HSD11B1L: variants seen among roughly 807,000 people sequenced by gnomAD.
The protein encoded by HSD11B1L is hydroxysteroid 11-beta-dehydrogenase 1-like protein.
In HSD11B1L, 22 loss-of-function variants were observed where a neutral mutation model predicts 27.0. The ratio of observed to expected loss-of-function variants is 0.81; its 90% CI spans 0.58 to 1.16. The LOEUF (loss-of-function observed/expected upper bound fraction) is 1.16. Among genes scored for constraint, HSD11B1L ranks in the 50% most tolerant of loss-of-function variants. HSD11B1L has a pLI of 0.00. For missense variants in HSD11B1L, 372 were observed against 401.8 expected, an observed-to-expected ratio of 0.93 and a Z score of 0.63; for synonymous variants, 187 against 189.2, an observed-to-expected ratio of 0.99 and a Z score of 0.09.
chr19:5,688,211 C>A lies in HSD11B1L; in HGVS notation c.*266C>A. The stretch of plus-strand genomic sequence containing the variant: ...CCATGATTGATGACGTGACTGCTTC[C>A]ATTTTGCAGATGAGGAAACTAAGGC... On this transcript the variant is annotated 3_prime_UTR_variant, in exon 8 of 8. Coordinates refer to ENST00000339423, the MANE Select transcript of HSD11B1L (RefSeq NM_198706.3). 6.5e-7 allele frequency: 1 copy of A among 1,540,566 alleles called. No individual in the cohort carries two copies. The highest frequency in any genetic ancestry group is 8.8e-7 in the Non-Finnish European group (1 of 1,142,592).
chr19:5,687,930 G>C lies in HSD11B1L; in HGVS notation c.846G>C (p.Thr282=), dbSNP rs755013240. ...TTATCCGCCAGGAGCTCAACGTCAC[G>C]GCCGCGGCAGCCTGAGCACCGGGGG... ...AWFIRQELNV[T]AAAA The change falls in exon 8 of 8, where the codon ACG becomes ACC. Residue 282 remains threonine, a synonymous_variant. Coordinates refer to ENST00000339423, the MANE Select transcript of HSD11B1L (RefSeq NM_198706.3). This position sits in a 1 kb window ranked among gnomAD's most constrained non-coding sequence, Gnocchi z 6.6. The C allele has an allele frequency of 1.2e-5, 18 of 1,563,504 alleles. No individual in the cohort carries two copies. Among genetic ancestry groups the C allele is most frequent in the Non-Finnish European group, 1.6e-5 (18 of 1,153,476 alleles).
chr19:5,684,045 G>T (rs1208177186), intron 1 of HSD11B1L: 2 of 483,724 alleles, frequency 4.1e-6, no homozygotes, highest in African/African-American at 4.0e-5. Flanking sequence ...GGCAAATCTC[G>T]GCACACTACA....
Position 5,686,444 on chromosome 19 carries a change from C to T in HSD11B1L, c.233C>T (p.Ala78Val). 4 of 1,582,582 alleles carry T rather than the reference C, an allele frequency of 2.5e-6. No homozygotes were observed. The highest frequency in any genetic ancestry group is 3.4e-6 in the Non-Finnish European group (4 of 1,166,166). The change falls in exon 4 of 8, where the codon GCC (alanine) becomes GTC (valine). Residue 78 changes from alanine to valine, a missense_variant. By Grantham distance (64) the Ala-to-Val change is moderately conservative. Transcript: ENST00000339423. Reference protein sequence around the residue: ...KVVGNCRKLGAPKVFYIAADM... With the variant: ...KVVGNCRKLGVPKVFYIAADM... ...GTAGGGAACTGCCGGAAGCTGGGCG[C>T]CCCCAAGGTCTTCTACATCGCGGCG...
chr19:5,682,196 C>A (rs1250476537), intron 1 of HSD11B1L, among the ~76,000 whole-genome samples: 1 of 152,134 alleles, frequency 6.6e-6, no homozygotes, highest in African/African-American at 2.4e-5. Flanking sequence ...AGTGGGGACC[C>A]CTGAGAGGGT....
At position 5,685,441 on chromosome 19, in the gene HSD11B1L, G is replaced by A. The variant is rs1304003826; in HGVS notation, c.204+322G>A. The A allele has an allele frequency of 2.3e-5, 10 of 426,640 alleles. No individual in the cohort carries two copies. The highest frequency in any genetic ancestry group is 1.9e-4 in the South Asian group (10 of 52,508). 26.4% of individuals were successfully genotyped at this position (426,640 alleles called of 1,614,324 possible). A position where few individuals can be genotyped will look rare whatever the true frequency, so the allele number is the denominator to read the frequency against. On this transcript the variant is annotated intron_variant, in intron 3 of 7. Coordinates refer to ENST00000339423, the MANE Select transcript of HSD11B1L (RefSeq NM_198706.3). This position sits in a 1 kb window ranked among gnomAD's most constrained non-coding sequence, Gnocchi z 4.3. The stretch of plus-strand genomic sequence containing the variant: ...GAAGACAAAAATTAGGCCAGGCATG[G>A]TGGCTCATGCCTGTAATCCTAGCAC...
intron 1 of HSD11B1L, chr19:5,683,963 C>T (rs2054621081): frequency 2.5e-6 from 1 of 407,668 alleles, no homozygotes; most frequent in Non-Finnish European, 4.3e-6. Context: ...AAGGAGGTCA[C>T]TGTTCTTTTT....
rs1279082814 is a variant in HSD11B1L at position 5,688,026 on chromosome 19, C to T, written c.*81C>T. On this transcript the variant is annotated 3_prime_UTR_variant, in exon 8 of 8. Coordinates refer to ENST00000339423, the MANE Select transcript of HSD11B1L (RefSeq NM_198706.3). Reference sequence around the variant, plus strand: ...CCTGGAGCCAGAACACTCACAGAGACACCCCTGAGAGGGTGGCCACAGCCC... The same window carrying T: ...CCTGGAGCCAGAACACTCACAGAGATACCCCTGAGAGGGTGGCCACAGCCC... The T allele has an allele frequency of 6.4e-7, 1 of 1,551,564 alleles. No homozygotes were observed. Among genetic ancestry groups the T allele is most frequent in the African/African-American group, 1.4e-5 (1 of 73,188 alleles).
In HSD11B1L at chr19:5,688,224, AG is replaced by A; in HGVS notation, c.*281del. The A allele has an allele frequency of 6.5e-7, 1 of 1,531,430 alleles. No homozygotes were observed. Among genetic ancestry groups the A allele is most frequent in the South Asian group, 1.2e-5 (1 of 82,412 alleles). The allele number at this position is 1,531,430 out of a possible 1,614,324, so 94.9% of individuals were successfully genotyped here. Reference sequence around the variant, plus strand: ...CGTGACTGCTTCCATTTTGCAGATGAGGAAACTAAGGCTCAGAGAGGCCACG... The same window carrying A: ...CGTGACTGCTTCCATTTTGCAGATGAGAAACTAAGGCTCAGAGAGGCCACG... On this transcript the variant is annotated 3_prime_UTR_variant, in exon 8 of 8. Transcript: ENST00000339423.
At chr19:5,681,875 C>T (rs1465159115) in intron 1 of HSD11B1L, among the ~76,000 whole-genome samples, 1 of 152,252 alleles carries the variant, frequency 6.6e-6, no homozygotes, top group Admixed American at 6.5e-5. Flanking sequence ...ATCCATCCAC[C>T]CATCCGTCCA....
Position 5,685,438 on chromosome 19 carries a change from A to C in HSD11B1L, c.204+319A>C. 1 of 426,088 alleles carries C rather than the reference A, an allele frequency of 2.3e-6. No homozygotes were observed. The highest frequency in any genetic ancestry group is 2.9e-5 in the Admixed American group (1 of 34,686). The allele number at this position is 426,088 out of a possible 1,614,324, so 26.4% of individuals were successfully genotyped here. A position where few individuals can be genotyped will look rare whatever the true frequency, so the allele number is the denominator to read the frequency against. ...TAAGAAGACAAAAATTAGGCCAGGC[A>C]TGGTGGCTCATGCCTGTAATCCTAG... On this transcript the variant is annotated intron_variant, in intron 3 of 7. Coordinates refer to ENST00000339423, the MANE Select transcript of HSD11B1L (RefSeq NM_198706.3). This position sits in a 1 kb window ranked among gnomAD's most constrained non-coding sequence, Gnocchi z 4.3.
Position 5,688,340 on chromosome 19 carries a change from G to C in HSD11B1L, c.*395G>C. ...TTCTTTCCATTCATTCCATCTGGGA[G>C]GAACCCCCCCAACTCCTGCCAGCTT... On this transcript the variant is annotated 3_prime_UTR_variant, in exon 8 of 8. Coordinates refer to ENST00000339423, the MANE Select transcript of HSD11B1L (RefSeq NM_198706.3). The C allele has an allele frequency of 2.7e-6, 2 of 750,376 alleles. No individual in the cohort carries two copies. Among genetic ancestry groups the C allele is most frequent in the South Asian group, 3.8e-5 (2 of 53,262 alleles). The allele number at this position is 750,376 out of a possible 1,614,324, so 46.5% of individuals were successfully genotyped here.
In HSD11B1L at chr19:5,686,492, C is replaced by CCGAGAG; in HGVS notation, c.284_289dup (p.Glu95_Ser96dup). ...GCGGACATGGCCTCCCCTGAGGCGC[C>CCGAGAG]CGAGAGCGTGGTGCAGTTTGCGCTG... On this transcript the variant is annotated inframe_insertion, in exon 4 of 8. Coordinates refer to ENST00000339423, the MANE Select transcript of HSD11B1L (RefSeq NM_198706.3). 1.3e-6 allele frequency: 2 copies of CCGAGAG among 1,585,094 alleles called. No homozygotes were observed. The highest frequency in any genetic ancestry group is 1.7e-6 in the Non-Finnish European group (2 of 1,167,436).
rs1443128640 is a variant in HSD11B1L, at chr19:5,684,815, G to A, written c.-14-4G>A. On this transcript the variant is annotated splice_polypyrimidine_tract_variant and splice_region_variant and intron_variant, in intron 1 of 7. Coordinates refer to ENST00000339423, the MANE Select transcript of HSD11B1L (RefSeq NM_198706.3). ...GGCCACCTCTGTCCCCTGTCCCTCT[G>A]CAGGCCCACACAGGACCATGAAGGT... 1.9e-6 allele frequency: 3 copies of A among 1,613,618 alleles called. No homozygotes were observed. In the East Asian group the frequency reaches 6.7e-5, roughly 36 times the overall value.
In HSD11B1L at chr19:5,687,430, G is replaced by T; in HGVS notation, c.502+55G>T. On this transcript the variant is annotated intron_variant, in intron 6 of 7. Coordinates refer to ENST00000339423, the MANE Select transcript of HSD11B1L (RefSeq NM_198706.3). This position sits in a 1 kb window ranked among gnomAD's most constrained non-coding sequence, Gnocchi z 6.6. Reference sequence around the variant, plus strand: ...ACGGGGAGTGGGGAGCTCGATGCGGGTGAGCCTGGAGGGTCTGGGCAGGCT... The same window carrying T: ...ACGGGGAGTGGGGAGCTCGATGCGGTTGAGCCTGGAGGGTCTGGGCAGGCT... 1 of 1,601,352 alleles carries T rather than the reference G, an allele frequency of 6.2e-7. No individual in the cohort carries two copies. Among genetic ancestry groups the T allele is most frequent in the Middle Eastern group, 1.7e-4 (1 of 5,894 alleles).
intron 1 of HSD11B1L, among the ~76,000 whole-genome samples, chr19:5,682,926 C>A (rs2054595838): frequency 6.7e-6 from 1 of 148,778 alleles, no homozygotes; most frequent in African/African-American, 2.5e-5. Context: ...TCAAGCAATT[C>A]TCCTGCCTCA....
chr19:5,686,438 TG>T lies in HSD11B1L; in HGVS notation c.230del (p.Gly77AlafsTer37). 1 of 1,580,364 alleles carries T rather than the reference TG, an allele frequency of 6.3e-7. No homozygotes were observed. Among genetic ancestry groups the T allele is most frequent in the Non-Finnish European group, 8.6e-7 (1 of 1,164,940 alleles). On this transcript the variant is annotated frameshift_variant, in exon 4 of 8. Coordinates refer to ENST00000339423, the MANE Select transcript of HSD11B1L (RefSeq NM_198706.3). LOFTEE classifies it high-confidence loss of function. ...CAGGTGGTAGGGAACTGCCGGAAGC[TG>T]GGCGCCCCCAAGGTCTTCTACATCG... ...LQKVVGNCRK[L>X]GAPKVFYIAA...
chr19:5,684,699 G>A, intron 1 of HSD11B1L, 120 bp from the exon 2 acceptor site: 1 of 1,511,430 alleles, frequency 6.6e-7, no homozygotes, highest in Admixed American at 2.0e-5. Flanking sequence ...ACAGGTGGTG[G>A]CTGTGGAGGT....
Position 5,685,928 on chromosome 19 carries a change from C to T in HSD11B1L, c.205-488C>T, listed in dbSNP as rs2054678390. 1.3e-5 allele frequency among the ~76,000 whole-genome samples: 2 copies of T among 152,060 alleles called. No individual in the cohort carries two copies. On this transcript the variant is annotated intron_variant, in intron 3 of 7. Transcript: ENST00000339423. This position sits in a 1 kb window ranked among gnomAD's most constrained non-coding sequence, Gnocchi z 4.3. ...CAAACAAACAAACAAAAAAACCCAC[C>T]TTCTCATGGGTTAGGATGTTGTGCC...
chr19:5,687,822 G>T lies in HSD11B1L; in HGVS notation c.738G>T (p.Thr246=). ...AALAVIRGGA[T]RAAGVFYPWR... is the part of the protein sequence containing the mutation. Reference sequence around the variant, plus strand: ...TGGCCGTGATCCGCGGCGGCGCCACGCGCGCGGCCGGCGTCTTCTACCCGT... The same window carrying T: ...TGGCCGTGATCCGCGGCGGCGCCACTCGCGCGGCCGGCGTCTTCTACCCGT... Residue 246 remains threonine, a synonymous_variant, in exon 8 of 8, where the codon ACG becomes ACT. Transcript: ENST00000339423. This position sits in a 1 kb window ranked among gnomAD's most constrained non-coding sequence, Gnocchi z 6.6. The T allele has an allele frequency of 6.5e-7, 1 of 1,542,286 alleles. No individual in the cohort carries two copies. The highest frequency in any genetic ancestry group is 8.7e-7 in the Non-Finnish European group (1 of 1,146,802).
Sources: allele counts gnomAD v4.1 joint callset (sites outside exome capture counted in the v4.1 genomes callset), GRCh38; gene constraint gnomAD v4.1.1; non-coding constraint Gnocchi (gnomAD v3.1); transcripts MANE v1.5; gene names NCBI Gene and HGNC (gene_info 2026-07-23, HGNC 2026-07-21).